Variants in SLC15A2 observed in about 807,000 individuals in gnomAD.
SLC15A2 encodes solute carrier family 15 member 2.
SLC15A2 carries 77 observed loss-of-function variants against 95.5 expected under a neutral mutation model. That is an observed-to-expected ratio of 0.81 (90% CI 0.67 to 0.97). The LOEUF (loss-of-function observed/expected upper bound fraction) is 0.97, where lower values mean the gene tolerates loss of function less well. Among genes scored for constraint, SLC15A2 ranks in the 50% least tolerant of loss-of-function variants. The pLI, the probability that SLC15A2 is intolerant of heterozygous loss-of-function variation, is 0.00. For synonymous variants in SLC15A2, 306 were observed against 306.9 expected (o/e 1.00, Z 0.03); for missense variants, 893 against 874.4 (o/e 1.02, Z -0.27).
At chr3:121,940,347 G>C in intron 20 of SLC15A2, 37 bp from the exon 21 acceptor site, 1 of 1,530,610 alleles carries the variant, frequency 6.5e-7, no homozygotes, top group Non-Finnish European at 9.0e-7. Context: ...GGGCAGTGAA[G>C]GGGGTTTGTT....
At chr3:121,934,463 T>C (rs1710298781) in intron 19 of SLC15A2, among the ~76,000 whole-genome samples, 1 of 152,100 alleles carries the variant, frequency 6.6e-6, no homozygotes, top group Non-Finnish European at 1.5e-5. Flanking sequence ...TAGTTCTCCT[T>C]GAAGAGGTCC....
At chr3:121,929,842 G>C (rs1202517972) in intron 17 of SLC15A2, among the ~76,000 whole-genome samples, 1 of 152,162 alleles carries the variant, frequency 6.6e-6, no homozygotes. Context: ...GTGAGGGACA[G>C]TTACAGAGAT....
chr3:121,898,234 T>C (rs1447401295), intron 3 of SLC15A2, among the ~76,000 whole-genome samples: 4 of 152,196 alleles, frequency 2.6e-5, no homozygotes, highest in South Asian at 2.1e-4. Flanking sequence ...CTTCTCCAGA[T>C]TGAGTTATCC....
chr3:121,904,277 A>G (rs1039973276), intron 3 of SLC15A2, among the ~76,000 whole-genome samples: 3 of 152,190 alleles, frequency 2.0e-5, no homozygotes, highest in Non-Finnish European at 4.4e-5. Context: ...TTCTAGATAT[A>G]CAATCATGTC....
At chr3:121,894,603 T>G (rs1709384647) in intron 1 of SLC15A2, 22 bp downstream of exon 1, 2 of 1,585,942 alleles carry the variant, frequency 1.3e-6, no homozygotes, top group Non-Finnish European at 8.7e-7. Flanking sequence ...GATTCAATCC[T>G]GCCTCTGAGA....
At chr3:121,933,031 G>A (rs1291269745) in intron 19 of SLC15A2, among the ~76,000 whole-genome samples, 20 of 150,054 alleles carry the variant, frequency 1.3e-4, no homozygotes, top group Admixed American at 4.0e-4. Flanking sequence ...TTGTTCTTGC[G>A]ATAGTTTACT....
Position 121,941,242 on chromosome 3 carries a change from A to G in SLC15A2, c.*235A>G, listed in dbSNP as rs60598279. ...ATTAAAACTTGTGCAGTGTTGCTGG[A>G]GCTGGCCTGGTGTCTCCAAATGACC... On this transcript the variant is annotated 3_prime_UTR_variant, in exon 22 of 22. Transcript: ENST00000489711. The G allele has an allele frequency of 1.8e-3, 702 of 397,462 alleles. 2 individuals are homozygous for G. The highest frequency in any genetic ancestry group is 0.013 in the African/African-American group (640 of 48,680). 24.6% of individuals were successfully genotyped at this position (397,462 alleles called of 1,614,324 possible).
Position 121,924,942 on chromosome 3 carries a change from CA to C in SLC15A2, c.1036-2del. On this transcript the variant is annotated splice_acceptor_variant, in intron 12 of 21. Coordinates refer to ENST00000489711, the MANE Select transcript of SLC15A2 (RefSeq NM_021082.4). LOFTEE classifies it high-confidence loss of function. The stretch of plus-strand genomic sequence containing the variant: ...GCTAATCCTTTTTATCATGGTGTTA[CA>C]GGTTCTAAATCCCCTTCTGGTTCTT... 1 of 1,596,322 alleles carries C rather than the reference CA, an allele frequency of 6.3e-7. No homozygotes were observed. Among genetic ancestry groups the C allele is most frequent in the East Asian group, 2.2e-5 (1 of 44,708 alleles).
At chr3:121,904,621 G>A (rs1432958212) in intron 3 of SLC15A2, among the ~76,000 whole-genome samples, 1 of 152,194 alleles carries the variant, frequency 6.6e-6, no homozygotes, top group African/African-American at 2.4e-5. Flanking sequence ...TGTGGTTTTT[G>A]TTGTTGATTG....
chr3:121,927,672 C>A, intron 13 of SLC15A2, 86 bp from the exon 14 acceptor site: 1 of 930,880 alleles, frequency 1.1e-6, no homozygotes, highest in Non-Finnish European at 1.8e-6. Context: ...CAGTCTAATG[C>A]AGTCTTTAAT....
In SLC15A2 at chr3:121,923,099, G is replaced by T; in HGVS notation, c.927G>T (p.Leu309Phe). The change falls in exon 10 of 22, where the codon TTG becomes TTT. Residue 309 changes from leucine to phenylalanine, a missense_variant. By Grantham distance (22) the Leu-to-Phe change is conservative. Transcript: ENST00000489711. Reference sequence around the variant, plus strand: ...GGGTACTATTCCTTTATATCCCATTGCCCATGTTCTGGGCTCTTTTGGATC... The same window carrying T: ...GGGTACTATTCCTTTATATCCCATTTCCCATGTTCTGGGCTCTTTTGGATC... ...LTRVLFLYIP[L>F]PMFWALLDQQ... The T allele has an allele frequency of 6.2e-7, 1 of 1,613,982 alleles. No homozygotes were observed. The highest frequency in any genetic ancestry group is 8.5e-7 in the Non-Finnish European group (1 of 1,179,906).
At chr3:121,917,556 C>T (rs778046784) in intron 7 of SLC15A2, among the ~76,000 whole-genome samples, 6 of 151,984 alleles carry the variant, frequency 3.9e-5, no homozygotes, top group African/African-American at 7.2e-5. Context: ...AGTATGATGG[C>T]GCACACCTAT....
At chr3:121,905,003 A>T (rs1239331361) in intron 3 of SLC15A2, among the ~76,000 whole-genome samples, 2 of 152,104 alleles carry the variant, frequency 1.3e-5, no homozygotes, top group Non-Finnish European at 2.9e-5. Flanking sequence ...TTGGTAGGCT[A>T]TTAATTATTG....
chr3:121,925,725 A>AGTATATATAT lies in SLC15A2; in HGVS notation c.1124+692_1124+693insGTATATATAT, dbSNP rs1559850279. Among the ~76,000 whole-genome samples, 3 of 56,318 alleles carry AGTATATATAT rather than the reference A, an allele frequency of 5.3e-5. 1 individual carries two copies. Among genetic ancestry groups the AGTATATATAT allele is most frequent in the Non-Finnish European group, 9.8e-5 (3 of 30,588 alleles). The allele number at this position is 56,318 out of a possible 152,430, so 36.9% of individuals were successfully genotyped here. ...GTTTATTACTTAGTAAAGGGGCTAG[A>AGTATATATAT]CTATATATATATATATATATATATA... is the stretch of plus-strand genomic sequence containing the variant. On this transcript the variant is annotated intron_variant, in intron 13 of 21. Transcript: ENST00000489711.
intron 13 of SLC15A2, among the ~76,000 whole-genome samples, 181 bp downstream of exon 13, chr3:121,925,214 T>C (rs1033437810): frequency 1.3e-5 from 2 of 152,024 alleles, no homozygotes; most frequent in African/African-American, 4.8e-5. Context: ...GAATTAGATA[T>C]AATTAATGAG....
chr3:121,936,904 G>C lies in SLC15A2; in HGVS notation c.1762-2445G>C, dbSNP rs1193043852. Among the ~76,000 whole-genome samples, 402 of 147,916 alleles carry C rather than the reference G, an allele frequency of 2.7e-3. 3 individuals carry two copies. The highest frequency in any genetic ancestry group is 9.3e-3 in the African/African-American group (372 of 40,158). On this transcript the variant is annotated intron_variant, in intron 19 of 21. Transcript: ENST00000489711. ...GCATGATTTTGCAGCGGCTGGTACC[G>C]GTTGTTCCTTTCCATGTTTAGCACT...
intron 3 of SLC15A2, among the ~76,000 whole-genome samples, chr3:121,910,758 A>G (rs757664124): frequency 1.3e-5 from 2 of 152,206 alleles, no homozygotes; most frequent in Non-Finnish European, 2.9e-5. Context: ...CTGGTGTGGT[A>G]GTACACATAA....
Position 121,940,438 on chromosome 3 carries a change from G to A in SLC15A2, c.1963G>A (p.Val655Ile). 1 of 1,614,128 alleles carries A rather than the reference G, an allele frequency of 6.2e-7. No individual in the cohort carries two copies. Among genetic ancestry groups the A allele is most frequent in the Non-Finnish European group, 8.5e-7 (1 of 1,179,982 alleles). ...LQAAWLLTIA[V>I]GNIIVLVVAQ... ...GGCAGCTTGGCTATTGACAATTGCAGTTGGGAATATCATCGTGCTTGTTGT... is the reference window on the plus strand; with the variant it reads ...GGCAGCTTGGCTATTGACAATTGCAATTGGGAATATCATCGTGCTTGTTGT... The change falls in exon 21 of 22, where the codon GTT (valine) becomes ATT (isoleucine). Residue 655 changes from valine (V) to isoleucine (I), a missense_variant. Physicochemically the swap from Val to Ile is conservative, Grantham distance 29. Transcript: ENST00000489711.
At chr3:121,922,490 GT>G (rs1254160020) in intron 8 of SLC15A2, among the ~76,000 whole-genome samples, 188 bp downstream of exon 8, 1 of 149,126 alleles carries the variant, frequency 6.7e-6, no homozygotes, top group African/African-American at 2.5e-5. Context: ...GTTAAAAAAA[GT>G]AATCATCTTT....
Sources: allele counts gnomAD v4.1 joint callset (sites outside exome capture counted in the v4.1 genomes callset), GRCh38; gene constraint gnomAD v4.1.1; transcripts MANE v1.5; gene names NCBI Gene and HGNC (gene_info 2026-07-23, HGNC 2026-07-21).